The following AGAP1 variants were observed in gnomAD, a reference collection of about 807,000 sequenced individuals.
The protein encoded by AGAP1 is ArfGAP with GTPase domain, ankyrin repeat and PH domain 1.
Under a neutral mutation model 105.3 loss-of-function variants are expected in AGAP1, and 29 were observed. The ratio of observed to expected loss-of-function variants is 0.28; its 90% CI spans 0.21 to 0.38. The LOEUF is 0.38. AGAP1 is among the 10% of genes least tolerant of loss of function. The pLI, the probability that AGAP1 is intolerant of heterozygous loss-of-function variation, is 1.00. For missense variants in AGAP1, 998 were observed against 1,165.1 expected (o/e 0.86, Z 2.09); for synonymous variants, 509 against 485.9 (o/e 1.05, Z -0.63).
At chr2:235,713,516 G>A (rs761939130) in intron 2 of AGAP1, among the ~76,000 whole-genome samples, 1 of 152,166 alleles carries the variant, frequency 6.6e-6, no homozygotes, top group Non-Finnish European at 1.5e-5. Flanking sequence ...TCTGCATTAC[G>A]CAGGGATTCA....
chr2:235,766,820 C>A (rs1207439534), intron 6 of AGAP1, among the ~76,000 whole-genome samples: 1 of 151,926 alleles, frequency 6.6e-6, no homozygotes, highest in East Asian at 1.9e-4. Flanking sequence ...CGGCTCACTG[C>A]TACCTCCACT....
chr2:235,516,116 C>T lies in AGAP1; in HGVS notation c.163+21267C>T, dbSNP rs1276250452. On this transcript the variant is annotated intron_variant, in intron 1 of 17. Coordinates refer to ENST00000304032, the MANE Select transcript of AGAP1 (RefSeq NM_001037131.3). The stretch of plus-strand genomic sequence containing the variant: ...GCTGGCCCGCCAGTTCCCATGGACT[C>T]TCCCTCACCTGTGCTTCCTTCTGCT... Among the ~76,000 whole-genome samples, 3 of 151,778 alleles carry T rather than the reference C, an allele frequency of 2.0e-5. No individual in the cohort carries two copies. The East Asian group carries it at 5.8e-4, about 29-fold the overall frequency.
intron 16 of AGAP1, among the ~76,000 whole-genome samples, chr2:236,102,598 A>AG (rs1553572909): frequency 6.6e-5 from 9 of 135,618 alleles, no homozygotes; most frequent in East Asian, 2.0e-4. Context: ...AAAAAAAAAA[A>AG]AAAGAAAGAA....
intron 11 of AGAP1, among the ~76,000 whole-genome samples, chr2:235,910,789 C>T (rs539645568): frequency 6.1e-4 from 93 of 152,142 alleles, no homozygotes; most frequent in South Asian, 1.9e-3. Context: ...TGGAGATGTG[C>T]GCCTGTAATT....
intron 1 of AGAP1, among the ~76,000 whole-genome samples, chr2:235,699,068 A>C (rs1950131149): frequency 2.7e-5 from 2 of 73,442 alleles, no homozygotes; most frequent in South Asian, 4.0e-4. Context: ...GGCATCAGAC[A>C]TCCCCCCCCC....
At chr2:235,500,405 C>CT (rs886438093) in intron 1 of AGAP1, among the ~76,000 whole-genome samples, 13 of 152,208 alleles carry the variant, frequency 8.5e-5, no homozygotes, top group African/African-American at 2.9e-4. Context: ...ATGTGCCTCT[C>CT]TAAGAAGTGT....
chr2:235,666,985 T>C (rs1257258788), intron 1 of AGAP1, among the ~76,000 whole-genome samples: 2 of 152,158 alleles, frequency 1.3e-5, no homozygotes, highest in Non-Finnish European at 2.9e-5. Context: ...CAGAGATCTC[T>C]ATCTTTCCAC....
rs1391885532 is a variant in AGAP1 at position 236,096,589 on chromosome 2, T to C, written c.2115-23603T>C. 6.6e-6 allele frequency among the ~76,000 whole-genome samples: 1 copy of C among 151,942 alleles called. No individual in the cohort carries two copies. The highest frequency in any genetic ancestry group is 2.4e-5 in the African/African-American group (1 of 41,380). ...AGTTTTATTTTTTATTTATTTTTTA[T>C]TTTTTTGGGACAGAGTCTCGCTCTT... On this transcript the variant is annotated intron_variant, in intron 16 of 17. Transcript: ENST00000304032. The surrounding 1 kb of genome is among the most constrained non-coding windows in gnomAD (Gnocchi z 4.4).
At chr2:235,580,315 C>T (rs55873759) in intron 1 of AGAP1, among the ~76,000 whole-genome samples, 13,281 of 152,062 alleles carry the variant, frequency 0.087, 801 homozygotes, top group Non-Finnish European at 0.13. Flanking sequence ...TGAGAAGAAC[C>T]GCCATACTGT....
rs1470312489 is a variant in AGAP1 at position 235,906,650 on chromosome 2, G to A, written c.1156-2088G>A. 1.3e-5 allele frequency among the ~76,000 whole-genome samples: 2 copies of A among 152,156 alleles called. No individual in the cohort carries two copies. The highest frequency in any genetic ancestry group is 4.8e-5 in the African/African-American group (2 of 41,438). The stretch of plus-strand genomic sequence containing the variant: ...CTGTAAGTCATGTTGGTTGCGGGAA[G>A]GTCTACATTGTCACACCCCAGGCTC... On this transcript the variant is annotated intron_variant, in intron 10 of 17. Transcript: ENST00000304032. This position sits in a 1 kb window ranked among gnomAD's most constrained non-coding sequence, Gnocchi z 5.3.
rs1436090064 is a variant in AGAP1 at position 236,123,135 on chromosome 2, GTGA to G, written c.2371-781_2371-779del. Among the ~76,000 whole-genome samples, 1 of 152,114 alleles carries G rather than the reference GTGA, an allele frequency of 6.6e-6. No homozygotes were observed. The highest frequency in any genetic ancestry group is 1.5e-5 in the Non-Finnish European group (1 of 68,024). ...GTTGCCCAGGCTGGAGTGCAGTGGT[GTGA>G]TGTCGGCCCACGGCAGCCTCTGCCT... On this transcript the variant is annotated intron_variant, in intron 17 of 17. Coordinates refer to ENST00000304032, the MANE Select transcript of AGAP1 (RefSeq NM_001037131.3). The surrounding 1 kb of genome is among the most constrained non-coding windows in gnomAD (Gnocchi z 4.6).
chr2:235,975,951 T>C (rs2054841983), intron 13 of AGAP1, among the ~76,000 whole-genome samples: 1 of 152,260 alleles, frequency 6.6e-6, no homozygotes, highest in Non-Finnish European at 1.5e-5. Context: ...TTAGTGCATC[T>C]GAACAGTTGA....
Position 235,777,024 on chromosome 2 carries a change from G to GA in AGAP1, c.674-20734dup. Reference sequence around the variant, plus strand: ...TTTTATCATGTGAGCGTCTGCTCTTGAGAGGCCAGGCTGGATCCTGCAGAG... The same window carrying GA: ...TTTTATCATGTGAGCGTCTGCTCTTGAAGAGGCCAGGCTGGATCCTGCAGAG... On this transcript the variant is annotated intron_variant, in intron 6 of 17. Transcript: ENST00000304032. This position sits in a 1 kb window ranked among gnomAD's most constrained non-coding sequence, Gnocchi z 5.1. 2.1e-6 allele frequency: 1 copy of GA among 471,168 alleles called. No homozygotes were observed. The highest frequency in any genetic ancestry group is 4.4e-6 in the Non-Finnish European group (1 of 227,052). 29.2% of individuals were successfully genotyped at this position (471,168 alleles called of 1,614,324 possible).
chr2:235,810,833 CTTTTTTT>C (rs76910320), intron 9 of AGAP1, among the ~76,000 whole-genome samples: 5 of 113,126 alleles, frequency 4.4e-5, no homozygotes, highest in African/African-American at 7.0e-5. Flanking sequence ...AATTCGGTTT[CTTTTTTT>C]TTTTTTTTTT....
intron 1 of AGAP1, among the ~76,000 whole-genome samples, chr2:235,693,123 G>A (rs913686871): frequency 6.6e-6 from 1 of 152,196 alleles, no homozygotes; most frequent in African/African-American, 2.4e-5. Flanking sequence ...AGGAGGCTCT[G>A]GAAGGAGAGC....
At chr2:235,694,835 G>T (rs143559356) in intron 1 of AGAP1, among the ~76,000 whole-genome samples, 2 of 152,082 alleles carry the variant, frequency 1.3e-5, no homozygotes, top group Admixed American at 6.5e-5. Flanking sequence ...GGAAGCAAAC[G>T]CGTCTCAGAC....
intron 1 of AGAP1, among the ~76,000 whole-genome samples, chr2:235,667,202 C>T (rs1194021053): frequency 2.6e-5 from 4 of 152,112 alleles, no homozygotes; most frequent in African/African-American, 7.2e-5. Flanking sequence ...TAGCATTTTT[C>T]GGGAGTTGGG....
Position 235,843,092 on chromosome 2 carries a change from C to G in AGAP1, c.1050+35761C>G, listed in dbSNP as rs1335485127. Among the ~76,000 whole-genome samples the G allele has an allele frequency of 6.6e-6, 1 of 152,190 alleles. No homozygotes were observed. Among genetic ancestry groups the G allele is most frequent in the African/African-American group, 2.4e-5 (1 of 41,448 alleles). ...TAATGAAACAGAAGTGCTCATTGTC[C>G]TGTTGCCACCCTTGTCGGTTTTTCA... On this transcript the variant is annotated intron_variant, in intron 9 of 17. Transcript: ENST00000304032. This position sits in a 1 kb window ranked among gnomAD's most constrained non-coding sequence, Gnocchi z 5.9.
chr2:235,558,899 G>GA (rs933598656), intron 1 of AGAP1, among the ~76,000 whole-genome samples: 1 of 150,040 alleles, frequency 6.7e-6, no homozygotes, highest in Non-Finnish European at 1.5e-5. Flanking sequence ...TCTTAATAAG[G>GA]AAAAAAAAAG....
Sources: gnomAD v4.1 joint callset for allele counts (sites outside exome capture counted in the v4.1 genomes callset) on GRCh38, gnomAD v4.1.1 for gene constraint, Gnocchi (gnomAD v3.1) non-coding constraint, MANE v1.5 for transcripts, NCBI Gene and HGNC (gene_info 2026-07-23, HGNC 2026-07-21) for gene names.